The following STXBP5L variants were observed in gnomAD, a reference collection of about 807,000 sequenced individuals.
STXBP5L encodes the protein syntaxin-binding protein 5-like.
In STXBP5L, 65 loss-of-function variants were observed where a neutral mutation model predicts 144.5. The observed-to-expected ratio is 0.45, with a 90% CI of 0.37 to 0.55. STXBP5L has a LOEUF of 0.55. STXBP5L is among the 20% of genes least tolerant of loss of function. STXBP5L has a pLI of 0.00. For missense variants in STXBP5L, 1,298 were observed against 1,405.5 expected (o/e 0.92, Z 1.22); for synonymous variants, 505 against 469.6 (o/e 1.08, Z -0.97).
chr3:121,381,410 A>T lies in STXBP5L; in HGVS notation c.2465A>T (p.Asp822Val). 1 of 1,610,310 alleles carries T rather than the reference A, an allele frequency of 6.2e-7. No homozygotes were observed. Residue 822 changes from aspartate to valine, a missense_variant, in exon 22 of 27, where the codon GAC (aspartate) becomes GTC (valine). Physicochemically the swap from Asp to Val is radical, Grantham distance 152 (BLOSUM62 -3). Transcript: ENST00000471454. ...ATGGACTCCTTTGCACGGAAAAATG[A>T]CTCTACCATCTCTCCTTGTCTGTTC... Reference protein sequence around the residue: ...YFMDSFARKNDSTISPCLFVG... With the variant: ...YFMDSFARKNVSTISPCLFVG...
chr3:121,071,868 A>G (rs1477731825), intron 5 of STXBP5L, among the ~76,000 whole-genome samples: 2 of 152,156 alleles, frequency 1.3e-5, no homozygotes, highest in Non-Finnish European at 2.9e-5. Context: ...ACACTATCTC[A>G]TAGGGTGAAT....
intron 20 of STXBP5L, among the ~76,000 whole-genome samples, chr3:121,352,926 T>A (rs2045352802): frequency 6.6e-6 from 1 of 152,198 alleles, no homozygotes; most frequent in Non-Finnish European, 1.5e-5. Context: ...CTTTTCTGCA[T>A]CTATTGAGAT....
chr3:120,984,656 C>CTTTTTTT (rs1942127131), intron 3 of STXBP5L, among the ~76,000 whole-genome samples: 2 of 42,612 alleles, frequency 4.7e-5, no homozygotes, highest in Admixed American at 3.9e-4. Context: ...TTTTTTTTTG[C>CTTTTTTT]CTAATTGCTC....
At chr3:121,121,091 G>T (rs895845211) in intron 6 of STXBP5L, among the ~76,000 whole-genome samples, 27 of 151,126 alleles carry the variant, frequency 1.8e-4, no homozygotes, top group African/African-American at 6.0e-4. Context: ...TGATAAGTGT[G>T]GTATAACCAA....
intron 2 of STXBP5L, among the ~76,000 whole-genome samples, chr3:120,936,705 G>A (rs1188691386): frequency 6.6e-6 from 1 of 151,946 alleles, no homozygotes; most frequent in African/African-American, 2.4e-5. Context: ...CACCTCCCGG[G>A]TTTATGCCAT....
intron 9 of STXBP5L, among the ~76,000 whole-genome samples, chr3:121,164,279 C>T (rs2046424271): frequency 6.6e-6 from 1 of 152,038 alleles, no homozygotes; most frequent in Admixed American, 6.6e-5. Flanking sequence ...AAGGAAATGC[C>T]AATCAAAACC....
At chr3:121,350,689 T>C (rs1368923982) in intron 20 of STXBP5L, among the ~76,000 whole-genome samples, 1 of 152,156 alleles carries the variant, frequency 6.6e-6, no homozygotes, top group East Asian at 1.9e-4. Flanking sequence ...AAACTTCTCT[T>C]CTCACTTCAT....
chr3:120,975,749 A>T (rs1940908848), intron 3 of STXBP5L, among the ~76,000 whole-genome samples: 1 of 152,172 alleles, frequency 6.6e-6, no homozygotes, highest in Admixed American at 6.5e-5. Context: ...AGTTTTTAGC[A>T]TGAAGAGTTG....
At chr3:121,132,670 A>T (rs2045049432) in intron 7 of STXBP5L, among the ~76,000 whole-genome samples, 1 of 152,216 alleles carries the variant, frequency 6.6e-6, no homozygotes, top group African/African-American at 2.4e-5. Flanking sequence ...ACCAACCCTA[A>T]TGAAATAGAT....
chr3:121,035,281 T>C (rs1251301808), intron 3 of STXBP5L, among the ~76,000 whole-genome samples: 1 of 152,192 alleles, frequency 6.6e-6, no homozygotes, highest in Non-Finnish European at 1.5e-5. Flanking sequence ...ATGAATCCTT[T>C]GCCTAGGCCA....
intron 3 of STXBP5L, among the ~76,000 whole-genome samples, chr3:121,023,524 G>A (rs1945711202): frequency 6.6e-6 from 1 of 152,122 alleles, no homozygotes; most frequent in South Asian, 2.1e-4. Context: ...CCAAAACAGT[G>A]GTATTGGTAT....
At chr3:121,188,418 A>T (rs2108145979) in intron 9 of STXBP5L, among the ~76,000 whole-genome samples, 1 of 152,062 alleles carries the variant, frequency 6.6e-6, no homozygotes, top group South Asian at 2.1e-4. Context: ...AAACTGAACA[A>T]CCTGCTCCTG....
chr3:121,186,131 T>G (rs1257003485), intron 9 of STXBP5L, among the ~76,000 whole-genome samples: 1 of 152,208 alleles, frequency 6.6e-6, no homozygotes, highest in Non-Finnish European at 1.5e-5. Context: ...TGCTTGTGAT[T>G]TTTGCACATC....
At chr3:121,397,866 A>G (rs2046770770) in intron 22 of STXBP5L, among the ~76,000 whole-genome samples, 1 of 152,238 alleles carries the variant, frequency 6.6e-6, no homozygotes, top group Non-Finnish European at 1.5e-5. Context: ...AACTCCAACT[A>G]TGTTAAATTG....
intron 22 of STXBP5L, among the ~76,000 whole-genome samples, chr3:121,400,699 A>C (rs1436387567): frequency 2.0e-5 from 3 of 152,168 alleles, no homozygotes; most frequent in Non-Finnish European, 2.9e-5. Context: ...CCCATACCTA[A>C]GAATGTGCTC....
chr3:121,403,546 A>G (rs1221118094), intron 22 of STXBP5L, among the ~76,000 whole-genome samples: 6 of 152,154 alleles, frequency 3.9e-5, no homozygotes, highest in African/African-American at 1.2e-4. Flanking sequence ...AAAAAGAGAA[A>G]CAATGGGTTC....
At chr3:121,055,465 G>A (rs112110166) in intron 5 of STXBP5L, among the ~76,000 whole-genome samples, 3,790 of 152,174 alleles carry the variant, frequency 0.025, 69 homozygotes, top group Non-Finnish European at 0.044. Context: ...GCAGAATCCA[G>A]CCTTAGATTG....
At chr3:121,326,191 T>C (rs1198591182) in intron 20 of STXBP5L, among the ~76,000 whole-genome samples, 1 of 151,972 alleles carries the variant, frequency 6.6e-6, no homozygotes, top group Non-Finnish European at 1.5e-5. Context: ...TGTCACAACA[T>C]TAAACATTGT....
chr3:121,085,773 T>C (rs1208266576), intron 5 of STXBP5L, among the ~76,000 whole-genome samples: 1 of 152,136 alleles, frequency 6.6e-6, no homozygotes, highest in Non-Finnish European at 1.5e-5. Context: ...GATTCAATGC[T>C]ATTCCCATTA....
Sources: gnomAD v4.1 joint callset for allele counts (sites outside exome capture counted in the v4.1 genomes callset) on GRCh38, gnomAD v4.1.1 for gene constraint, MANE v1.5 for transcripts, NCBI Gene and HGNC (gene_info 2026-07-23, HGNC 2026-07-21) for gene names.